The following FGF14 variants were observed in gnomAD, a reference collection of about 807,000 sequenced individuals.
FGF14 encodes the protein fibroblast growth factor 14.
Under a neutral mutation model 25.5 loss-of-function variants are expected in FGF14, and 5 were observed. That is an observed-to-expected ratio of 0.20 (90% CI 0.10 to 0.41). FGF14 has a LOEUF of 0.41. FGF14 is among the 10% of genes least tolerant of loss of function. The pLI, the probability that FGF14 is intolerant of heterozygous loss-of-function variation, is 1.00. For missense variants in FGF14, 222 were observed against 320.1 expected (o/e 0.69, Z 2.34); for synonymous variants, 138 against 118.3 (o/e 1.17, Z -1.08).
chr13:102,000,175 C>T (rs893775159), intron 1 of FGF14, among the ~76,000 whole-genome samples: 1 of 152,044 alleles, frequency 6.6e-6, no homozygotes, highest in African/African-American at 2.4e-5. Flanking sequence ...AAAAATTAGC[C>T]GGGCCTGGTG....
intron 1 of FGF14, among the ~76,000 whole-genome samples, chr13:102,263,863 C>G (rs185460978): frequency 6.6e-6 from 1 of 151,998 alleles, no homozygotes; most frequent in East Asian, 1.9e-4. Flanking sequence ...ATGTAAGAAC[C>G]AGGGGAAAAA....
chr13:102,383,703 C>G (rs140361963), intron 1 of FGF14, among the ~76,000 whole-genome samples: 1 of 151,886 alleles, frequency 6.6e-6, no homozygotes, highest in African/African-American at 2.4e-5. Context: ...ACTGCTTTAG[C>G]TCCAGGATTG....
At chr13:101,869,287 C>A (rs528517841) in intron 2 of FGF14, among the ~76,000 whole-genome samples, 70 of 152,254 alleles carry the variant, frequency 4.6e-4, no homozygotes, top group African/African-American at 1.6e-3. Context: ...AACTAAATGA[C>A]GGTGGTAGAA....
At chr13:102,148,009 T>G (rs1266710902) in intron 1 of FGF14, among the ~76,000 whole-genome samples, 1 of 152,214 alleles carries the variant, frequency 6.6e-6, no homozygotes, top group Non-Finnish European at 1.5e-5. Flanking sequence ...CTGGAAGGTA[T>G]GTAATTTTTT....
intron 3 of FGF14, among the ~76,000 whole-genome samples, chr13:101,772,742 T>G (rs1235434069): frequency 6.6e-6 from 1 of 152,160 alleles, no homozygotes; most frequent in Non-Finnish European, 1.5e-5. Context: ...AAATAATTTC[T>G]GGCGTTCTGT....
chr13:102,332,594 A>ATT (rs60479910), intron 1 of FGF14, among the ~76,000 whole-genome samples: 144 of 151,286 alleles, frequency 9.5e-4, no homozygotes, highest in Non-Finnish European at 1.8e-3. Flanking sequence ...CTTTACCAAC[A>ATT]TTTTTTTTTA....
At chr13:102,016,110 G>A (rs971774422) in intron 1 of FGF14, among the ~76,000 whole-genome samples, 1 of 151,908 alleles carries the variant, frequency 6.6e-6, no homozygotes, top group Non-Finnish European at 1.5e-5. Flanking sequence ...GCCAATATAC[G>A]CCAAAGCATC....
At chr13:102,043,124 T>C (rs540949998) in intron 1 of FGF14, among the ~76,000 whole-genome samples, 1 of 152,340 alleles carries the variant, frequency 6.6e-6, no homozygotes, top group East Asian at 1.9e-4. Context: ...ATAATTAATG[T>C]CTTACATTGC....
At chr13:101,748,926 T>C (rs2037081107) in intron 3 of FGF14, among the ~76,000 whole-genome samples, 1 of 151,948 alleles carries the variant, frequency 6.6e-6, no homozygotes, top group Admixed American at 6.6e-5. Context: ...TGTCCAGCAA[T>C]GGATGAATGA....
chr13:102,348,501 G>A (rs1351967873), intron 1 of FGF14, among the ~76,000 whole-genome samples: 11 of 152,188 alleles, frequency 7.2e-5, no homozygotes, highest in Admixed American at 7.2e-4. Flanking sequence ...GCAATGCCAA[G>A]ATGAAACAGA....
intron 1 of FGF14, among the ~76,000 whole-genome samples, chr13:102,289,279 T>C (rs530411199): frequency 6.6e-6 from 1 of 152,324 alleles, no homozygotes; most frequent in South Asian, 2.1e-4. Flanking sequence ...CATTCATACA[T>C]TGATACACCA....
chr13:102,207,580 C>T lies in FGF14; in HGVS notation c.208+193891G>A, dbSNP rs368482912. Among the ~76,000 whole-genome samples the T allele has an allele frequency of 8.4e-5, 11 of 131,042 alleles. No individual in the cohort carries two copies. In the East Asian group the frequency reaches 1.3e-3, roughly 16 times the overall value. The allele number at this position is 131,042 out of a possible 152,430, so 86.0% of individuals were successfully genotyped here. A position where few individuals can be genotyped will look rare whatever the true frequency, so the allele number is the denominator to read the frequency against. ...AAAAAATAACAATGACATTTTAACACGTTTTGCAACATCTGTCCTTGAGAA... is the reference window on the plus strand; with the variant it reads ...AAAAAATAACAATGACATTTTAACATGTTTTGCAACATCTGTCCTTGAGAA... On this transcript the variant is annotated intron_variant, in intron 1 of 4. Coordinates refer to the FGF14 transcript ENST00000376131.
chr13:101,896,074 C>A (rs1382819664), intron 1 of FGF14, among the ~76,000 whole-genome samples: 6 of 152,020 alleles, frequency 3.9e-5, no homozygotes, highest in Admixed American at 3.9e-4. Context: ...GTTCTCATAC[C>A]CATGTACTGC....
intron 1 of FGF14, among the ~76,000 whole-genome samples, chr13:102,328,179 T>G (rs912304801): frequency 1.1e-4 from 16 of 152,196 alleles, no homozygotes; most frequent in Non-Finnish European, 7.4e-5. Context: ...AATTTTAACA[T>G]AAACAAACAT....
chr13:102,139,314 C>T (rs1028261092), intron 1 of FGF14, among the ~76,000 whole-genome samples: 2 of 151,964 alleles, frequency 1.3e-5, no homozygotes, highest in Admixed American at 6.6e-5. Flanking sequence ...GCACAAAAAT[C>T]ACTCGAACCC....
At chr13:102,112,764 C>G (rs2045294229) in intron 1 of FGF14, among the ~76,000 whole-genome samples, 4 of 152,158 alleles carry the variant, frequency 2.6e-5, no homozygotes, top group Admixed American at 2.6e-4. Flanking sequence ...TTTCTGCACT[C>G]TACACTTTAA....
intron 1 of FGF14, among the ~76,000 whole-genome samples, chr13:101,912,524 A>G (rs2033054192): frequency 6.6e-6 from 1 of 152,128 alleles, no homozygotes; most frequent in African/African-American, 2.4e-5. Flanking sequence ...TTTAGTTTTC[A>G]TTTTTGTTAA....
chr13:101,887,199 G>GA (rs2046033532), intron 1 of FGF14, among the ~76,000 whole-genome samples: 1 of 151,568 alleles, frequency 6.6e-6, no homozygotes, highest in South Asian at 2.1e-4. Flanking sequence ...CTGGGTATAT[G>GA]AAAAAAAAGT....
In FGF14 at chr13:102,162,544, C is replaced by G. The variant is rs531329480; in HGVS notation, c.208+238927G>C. Among the ~76,000 whole-genome samples, 7 of 152,154 alleles carry G rather than the reference C, an allele frequency of 4.6e-5. No individual in the cohort carries two copies. The East Asian group carries it at 1.2e-3, about 25-fold the overall frequency. On this transcript the variant is annotated intron_variant, in intron 1 of 4. Coordinates refer to the FGF14 transcript ENST00000376131. Reference sequence around the variant, plus strand: ...TTAAAAGTATCACAAAGGTTTGAACCAAAAGGGCCTAAAGTATCAAGTTTA... The same window carrying G: ...TTAAAAGTATCACAAAGGTTTGAACGAAAAGGGCCTAAAGTATCAAGTTTA...
Sources: allele counts gnomAD v4.1 joint callset (sites outside exome capture counted in the v4.1 genomes callset), GRCh38; gene constraint gnomAD v4.1.1; transcripts MANE v1.5; gene names NCBI Gene and HGNC (gene_info 2026-07-23, HGNC 2026-07-21).